Variants in SUGP2 observed in about 807,000 individuals in gnomAD.
SUGP2 encodes the protein SURP and G-patch domain-containing protein 2.
A neutral mutation model predicts 90.5 loss-of-function variants in SUGP2; 24 were observed. The ratio of observed to expected loss-of-function variants is 0.27; its 90% CI spans 0.19 to 0.37. The LOEUF is 0.37. Ranked by LOEUF, SUGP2 falls within the 10% of genes least tolerant of loss-of-function variation. The probability of loss-of-function intolerance (pLI) is 1.00; values close to 1 mark genes in which losing one functional copy is unlikely to be tolerated. For synonymous variants in SUGP2, 473 were observed against 513.4 expected (o/e 0.92, Z 1.06); for missense variants, 1,233 against 1,363.3 (o/e 0.90, Z 1.51).
intron 5 of SUGP2, among the ~76,000 whole-genome samples, chr19:19,008,776 C>T (rs575983685): frequency 6.6e-6 from 1 of 152,354 alleles, no homozygotes; most frequent in African/African-American, 2.4e-5. Context: ...GGGGGGATGA[C>T]AGGCATGTGG....
intron 2 of SUGP2, among the ~76,000 whole-genome samples, chr19:19,027,497 G>A (rs896274520): frequency 2.0e-5 from 3 of 152,232 alleles, no homozygotes; most frequent in African/African-American, 7.2e-5. Flanking sequence ...TGTCAGTTGA[G>A]AGAGCCAGAC....
intron 4 of SUGP2, among the ~76,000 whole-genome samples, chr19:19,011,165 T>C (rs1170248582): frequency 2.6e-5 from 4 of 151,594 alleles, no homozygotes; most frequent in Admixed American, 2.0e-4. Context: ...CTTCTCCTTC[T>C]AGTGTCTTTA....
In SUGP2 at chr19:18,995,575, G is replaced by C. The variant is rs2057541812; in HGVS notation, c.2992-295C>G. On this transcript the variant is annotated intron_variant, in intron 8 of 10. Transcript: ENST00000452918. ...GGGAATGGCCAGTCCCGGGGTCAAG[G>C]AGTCAGTAGGAAGGCCCTCAGCGGA... 2.0e-5 allele frequency among the ~76,000 whole-genome samples: 3 copies of C among 152,302 alleles called. No individual in the cohort carries two copies. The South Asian group carries it at 6.2e-4, about 32-fold the overall frequency.
chr19:19,030,421 C>T (rs1376842642), intron 2 of SUGP2, among the ~76,000 whole-genome samples: 3 of 151,894 alleles, frequency 2.0e-5, no homozygotes, highest in East Asian at 3.9e-4. Flanking sequence ...ACCCAGGAGG[C>T]GGAGGTTGCA....
intron 8 of SUGP2, among the ~76,000 whole-genome samples, chr19:18,997,904 TTTC>T (rs2057676334): frequency 6.6e-6 from 1 of 152,206 alleles, no homozygotes; most frequent in Non-Finnish European, 1.5e-5. Flanking sequence ...AGGAAGCTGT[TTTC>T]TTCAAGTTCC....
At chr19:19,021,107 C>T (rs1031677589) in intron 3 of SUGP2, among the ~76,000 whole-genome samples, 6 of 125,098 alleles carry the variant, frequency 4.8e-5, no homozygotes, top group East Asian at 2.5e-4. Flanking sequence ...AGCGGTGAGC[C>T]GAGATCATGC....
chr19:19,021,935 G>A (rs2058742783), intron 3 of SUGP2, among the ~76,000 whole-genome samples: 2 of 152,034 alleles, frequency 1.3e-5, no homozygotes, highest in South Asian at 4.2e-4. Context: ...AAAGTGTTGG[G>A]ATTATAGCTG....
At chr19:19,006,588 A>T (rs2058085499) in intron 6 of SUGP2, among the ~76,000 whole-genome samples, 1 of 152,220 alleles carries the variant, frequency 6.6e-6, no homozygotes. Flanking sequence ...TTGAAAAAAA[A>T]GAAAGTGAAA....
At chr19:19,016,189 C>T (rs1447067247) in intron 4 of SUGP2, among the ~76,000 whole-genome samples, 2 of 152,054 alleles carry the variant, frequency 1.3e-5, no homozygotes, top group East Asian at 1.9e-4. Context: ...CCACCAGGCC[C>T]GGCTAATTTT....
chr19:19,027,046 G>A (rs1473720646), intron 2 of SUGP2, among the ~76,000 whole-genome samples: 2 of 152,170 alleles, frequency 1.3e-5, no homozygotes, highest in African/African-American at 2.4e-5. Context: ...TTGGGAGGCC[G>A]AGGTGGGAGG....
At position 18,995,093 on chromosome 19, in the gene SUGP2, T is replaced by G. The variant is rs779112546; in HGVS notation, c.3128+51A>C. On this transcript the variant is annotated intron_variant, in intron 9 of 10. Transcript: ENST00000452918. ...AAGGAGCCAAGCGGCAGGCTGCAGG[T>G]GGAAGGACTGAGGCCCCACCCACTC... 5 of 1,593,092 alleles carry G rather than the reference T, an allele frequency of 3.1e-6. No individual in the cohort carries two copies. In the East Asian group the frequency reaches 1.1e-4, roughly 36 times the overall value.
At chr19:18,996,740 C>T (rs111636327) in intron 8 of SUGP2, among the ~76,000 whole-genome samples, 10,234 of 152,170 alleles carry the variant, frequency 0.067, 421 homozygotes, top group Middle Eastern at 0.15. Flanking sequence ...TTAGTAGAGA[C>T]GGGGTTTCGC....
chr19:19,011,537 C>T (rs2058312884), intron 4 of SUGP2, among the ~76,000 whole-genome samples: 1 of 152,188 alleles, frequency 6.6e-6, no homozygotes, highest in African/African-American at 2.4e-5. Context: ...CTTGCCACTT[C>T]CTTCTAAATT....
At chr19:19,010,909 G>A (rs2058287466) in intron 4 of SUGP2, among the ~76,000 whole-genome samples, 1 of 152,062 alleles carries the variant, frequency 6.6e-6, no homozygotes, top group Non-Finnish European at 1.5e-5. Context: ...AGAGGCTGAG[G>A]CGGGAGGATT....
chr19:19,000,525 ACCCTT>A (rs2057788204), intron 8 of SUGP2, among the ~76,000 whole-genome samples: 1 of 152,026 alleles, frequency 6.6e-6, no homozygotes, highest in African/African-American at 2.4e-5. Context: ...TCTCTTCACC[ACCCTT>A]CCAGTCTACT....
At position 18,996,373 on chromosome 19, in the gene SUGP2, G is replaced by A. The variant is rs574126231; in HGVS notation, c.2992-1093C>T. 2.6e-5 allele frequency among the ~76,000 whole-genome samples: 4 copies of A among 152,248 alleles called. No homozygotes were observed. In the South Asian group the frequency reaches 8.3e-4, roughly 32 times the overall value. ...ACCGTGCCACTGCATTCCAGCCTGG[G>A]CAACACAATGAGACTGTCTAAAAAA... On this transcript the variant is annotated intron_variant, in intron 8 of 10. Coordinates refer to ENST00000452918, the MANE Select transcript of SUGP2 (RefSeq NM_001017392.5).
Position 18,995,253 on chromosome 19 carries a change from G to A in SUGP2, c.3019C>T (p.Gln1007Ter), listed in dbSNP as rs2057528550. ...KKPKDLDFAQ[Q>*]KLTDKNLGFQ... is the part of the protein sequence containing the mutation. ...CCCAGGTTCTTATCGGTCAGCTTCTGCTGGGCGAAGTCCAAGTCCTTGGGT... is the reference window on the plus strand; with the variant it reads ...CCCAGGTTCTTATCGGTCAGCTTCTACTGGGCGAAGTCCAAGTCCTTGGGT... The change falls in exon 9 of 11, where the codon CAG (glutamine) becomes TAG (stop). Residue 1007 changes from glutamine (Q) to a stop codon, truncating the protein, a stop_gained. Coordinates refer to ENST00000452918, the MANE Select transcript of SUGP2 (RefSeq NM_001017392.5). LOFTEE classifies it high-confidence loss of function. 1 of 1,611,532 alleles carries A rather than the reference G, an allele frequency of 6.2e-7. No individual in the cohort carries two copies. The highest frequency in any genetic ancestry group is 8.5e-7 in the Non-Finnish European group (1 of 1,179,412).
At chr19:19,033,539 C>CCGCAG (rs2059284373), upstream of SUGP2, 5 of 1,324,840 alleles carry the variant, frequency 3.8e-6, no homozygotes, top group Non-Finnish European at 4.8e-6. Context: ...CCAACGGTCT[C>CCGCAG]CGCAGCGCCG....
rs1305970399 is a variant in SUGP2, at chr19:19,025,790, C to T, written c.558G>A (p.Lys186=). 1 of 1,613,944 alleles carries T rather than the reference C, an allele frequency of 6.2e-7. No homozygotes were observed. The highest frequency in any genetic ancestry group is 8.5e-7 in the Non-Finnish European group (1 of 1,180,014). Residue 186 remains lysine (K), a synonymous_variant, in exon 3 of 11, where the codon AAG becomes AAA. Coordinates refer to ENST00000452918, the MANE Select transcript of SUGP2 (RefSeq NM_001017392.5). ...GGTCCACGTCATAATCCCGACTCTC[C>T]TTCTCCAAACACTCTTTCTCAATCA... is the stretch of plus-strand genomic sequence containing the variant. ...SRLIEKECLE[K]ESRDYDVDHP...
Sources: gnomAD v4.1 joint callset for allele counts (sites outside exome capture counted in the v4.1 genomes callset) on GRCh38, gnomAD v4.1.1 for gene constraint, MANE v1.5 for transcripts, NCBI Gene and HGNC (gene_info 2026-07-23, HGNC 2026-07-21) for gene names.